Variants in MCU observed in about 807,000 individuals in gnomAD.
MCU encodes the protein calcium uniporter protein, mitochondrial.
MCU carries 12 observed loss-of-function variants against 45.2 expected under a neutral mutation model. The observed-to-expected ratio is 0.27, with a 90% confidence interval of 0.17 to 0.43. The LOEUF (loss-of-function observed/expected upper bound fraction) is 0.43, where lower values mean the gene tolerates loss of function less well. MCU is among the 20% of genes least tolerant of loss of function. MCU has a pLI of 1.00. For missense variants in MCU, 324 were observed against 436.7 expected, an observed-to-expected ratio of 0.74 and a Z score of 2.30; for synonymous variants, 160 against 165.1, an observed-to-expected ratio of 0.97 and a Z score of 0.24.
chr10:72,725,004 G>A (rs1394090512), intron 1 of MCU, among the ~76,000 whole-genome samples: 1 of 152,156 alleles, frequency 6.6e-6, no homozygotes, highest in African/African-American at 2.4e-5. Context: ...TTGTCATCCA[G>A]GCTATAGTGC....
intron 1 of MCU, among the ~76,000 whole-genome samples, chr10:72,793,235 C>T (rs1027953741): frequency 6.6e-6 from 1 of 152,110 alleles, no homozygotes; most frequent in African/African-American, 2.4e-5. Flanking sequence ...TAGAAATCAG[C>T]ATTGTCACCA....
chr10:72,881,973 A>G (rs1406770124), intron 6 of MCU, among the ~76,000 whole-genome samples: 1 of 152,238 alleles, frequency 6.6e-6, no homozygotes, highest in Non-Finnish European at 1.5e-5. Context: ...GGGACCCCAA[A>G]CGGAGGGACC....
intron 1 of MCU, among the ~76,000 whole-genome samples, chr10:72,792,225 G>A (rs560336582): frequency 1.3e-5 from 2 of 152,192 alleles, no homozygotes; most frequent in African/African-American, 2.4e-5. Flanking sequence ...TTTTAAAGGC[G>A]GGGTAAATTT....
At chr10:72,885,492 T>G (rs1845762667) in intron 7 of MCU, among the ~76,000 whole-genome samples, 1 of 152,200 alleles carries the variant, frequency 6.6e-6, no homozygotes, top group South Asian at 2.1e-4. Flanking sequence ...CCTACCCTGT[T>G]GATAGCACTG....
intron 1 of MCU, among the ~76,000 whole-genome samples, chr10:72,693,748 A>T (rs895072166): frequency 6.6e-6 from 1 of 152,176 alleles, no homozygotes; most frequent in Admixed American, 6.5e-5. Flanking sequence ...CCACAGTTCA[A>T]TTTAATTTGC....
At chr10:72,733,633 T>C (rs1348389708) in intron 1 of MCU, among the ~76,000 whole-genome samples, 1 of 151,670 alleles carries the variant, frequency 6.6e-6, no homozygotes, top group East Asian at 1.9e-4. Context: ...ATGGCAGTGC[T>C]TGGCACATAA....
At chr10:72,824,508 C>G (rs1310680119) in intron 1 of MCU, among the ~76,000 whole-genome samples, 1 of 151,920 alleles carries the variant, frequency 6.6e-6, no homozygotes, top group Admixed American at 6.6e-5. Context: ...CGCGCCCGGC[C>G]CATGATGTCT....
chr10:72,823,854 G>T (rs966851702), intron 1 of MCU, among the ~76,000 whole-genome samples: 1 of 152,092 alleles, frequency 6.6e-6, no homozygotes, highest in Non-Finnish European at 1.5e-5. Flanking sequence ...GAGGTCAGGA[G>T]TTCAAGACCA....
At chr10:72,817,910 T>G (rs1564565876) in intron 1 of MCU, among the ~76,000 whole-genome samples, 2 of 152,142 alleles carry the variant, frequency 1.3e-5, no homozygotes, top group Non-Finnish European at 2.9e-5. Flanking sequence ...TGGCTTTGCA[T>G]GTACTAAGTA....
chr10:72,763,682 G>T (rs767676881), intron 1 of MCU, among the ~76,000 whole-genome samples: 5 of 152,064 alleles, frequency 3.3e-5, no homozygotes, highest in Non-Finnish European at 7.4e-5. Context: ...TGAAACTGGC[G>T]AGTGACTTGA....
At chr10:72,874,989 C>T (rs774172501) in intron 6 of MCU, among the ~76,000 whole-genome samples, 2 of 152,132 alleles carry the variant, frequency 1.3e-5, no homozygotes, top group African/African-American at 2.4e-5. Context: ...CAGCATTTTA[C>T]ATCTAGTAAC....
intron 1 of MCU, among the ~76,000 whole-genome samples, chr10:72,831,362 C>T (rs968623470): frequency 6.6e-6 from 1 of 151,368 alleles, no homozygotes; most frequent in African/African-American, 2.4e-5. Context: ...TAAACGAAAC[C>T]GAATGGTAGA....
intron 1 of MCU, among the ~76,000 whole-genome samples, chr10:72,716,409 T>C (rs750125496): frequency 3.3e-5 from 5 of 152,238 alleles, no homozygotes; most frequent in Admixed American, 6.5e-5. Flanking sequence ...TGATTACTAA[T>C]ACAAGGTTAC....
intron 1 of MCU, among the ~76,000 whole-genome samples, chr10:72,801,635 A>G (rs1356386050): frequency 1.3e-5 from 2 of 148,360 alleles, no homozygotes; most frequent in Non-Finnish European, 3.0e-5. Context: ...CTGTTTCCTG[A>G]TGAGTCTAGG....
At chr10:72,793,142 G>A (rs1347801071) in intron 1 of MCU, among the ~76,000 whole-genome samples, 1 of 152,156 alleles carries the variant, frequency 6.6e-6, no homozygotes, top group Non-Finnish European at 1.5e-5. Flanking sequence ...CTCCCAAAGT[G>A]CTGGGATTAC....
intron 6 of MCU, among the ~76,000 whole-genome samples, chr10:72,872,696 A>ATTCT (rs1845561642): frequency 6.6e-6 from 1 of 152,210 alleles, no homozygotes; most frequent in South Asian, 2.1e-4. Flanking sequence ...TCTGTATCTT[A>ATTCT]GCTATTGTGA....
intron 1 of MCU, among the ~76,000 whole-genome samples, chr10:72,777,404 G>A (rs1193086152): frequency 6.6e-6 from 1 of 152,146 alleles, no homozygotes; most frequent in African/African-American, 2.4e-5. Context: ...TGCATTTACA[G>A]CCAGCTGATC....
At chr10:72,767,837 C>G (rs1843749876) in intron 1 of MCU, among the ~76,000 whole-genome samples, 1 of 152,102 alleles carries the variant, frequency 6.6e-6, no homozygotes, top group Admixed American at 6.6e-5. Flanking sequence ...TAATAATTCA[C>G]AGTCTTATAG....
At chr10:72,693,144 G>T in intron 1 of MCU, 1 of 1,426,822 alleles carries the variant, frequency 7.0e-7, no homozygotes, top group Non-Finnish European at 9.5e-7. Context: ...GGCAGAAAAA[G>T]AGGATTTCTG....
Sources: gnomAD v4.1 joint callset for allele counts (sites outside exome capture counted in the v4.1 genomes callset) on GRCh38, gnomAD v4.1.1 for gene constraint, MANE v1.5 for transcripts, NCBI Gene and HGNC (gene_info 2026-07-23, HGNC 2026-07-21) for gene names.